The following ATP23 variants were observed in gnomAD, a reference collection of about 807,000 sequenced individuals.
ATP23 encodes the protein ATP23 metallopeptidase and ATP synthase assembly factor homolog, also known as mitochondrial inner membrane protease ATP23 homolog.
In ATP23, 24 loss-of-function variants were observed where a neutral mutation model predicts 28.5. The observed-to-expected ratio is 0.84, with a 90% CI of 0.61 to 1.18. The LOEUF (loss-of-function observed/expected upper bound fraction) is 1.18, where lower values mean the gene tolerates loss of function less well. Among genes scored for constraint, ATP23 ranks in the 50% most tolerant of loss-of-function variants. The pLI, the probability that ATP23 is intolerant of heterozygous loss-of-function variation, is 0.00. For missense variants in ATP23, 274 were observed against 306.4 expected, an observed-to-expected ratio of 0.89 and a Z score of 0.79; for synonymous variants, 99 against 108.6, an observed-to-expected ratio of 0.91 and a Z score of 0.55.
At chr12:57,941,922 A>G in intron 1 of ATP23, 34 bp downstream of exon 1, 1 of 1,608,130 alleles carries the variant, frequency 6.2e-7, no homozygotes, top group Non-Finnish European at 8.5e-7. Flanking sequence ...GTGGTTCCAC[A>G]GAATGGGTCT....
At position 57,956,982 on chromosome 12, in the gene ATP23, A is replaced by G. The variant is rs1956875229; in HGVS notation, c.*92A>G. 5.0e-6 allele frequency: 5 copies of G among 1,003,726 alleles called. No individual in the cohort carries two copies. The highest frequency in any genetic ancestry group is 3.3e-4 in the Middle Eastern group (1 of 3,008). The allele number at this position is 1,003,726 out of a possible 1,614,324, so 62.2% of individuals were successfully genotyped here. A position where few individuals can be genotyped will look rare whatever the true frequency, so the allele number is the denominator to read the frequency against. ...TGAACAAACATATAAAATGTAAACA[A>G]TCCCTACAATCCAGATAAAACAGAG... On this transcript the variant is annotated 3_prime_UTR_variant, in exon 6 of 6. Coordinates refer to ENST00000300145, the MANE Select transcript of ATP23 (RefSeq NM_033276.4).
chr12:57,945,223 C>T (rs1381731769), intron 1 of ATP23, among the ~76,000 whole-genome samples: 1 of 151,226 alleles, frequency 6.6e-6, no homozygotes, highest in Non-Finnish European at 1.5e-5. Flanking sequence ...TCAATTTTTA[C>T]CAATTTTAAG....
At chr12:57,945,461 G>T (rs1010767348) in intron 1 of ATP23, among the ~76,000 whole-genome samples, 167 bp from the exon 2 acceptor site, 5 of 151,946 alleles carry the variant, frequency 3.3e-5, no homozygotes, top group Non-Finnish European at 5.9e-5. Flanking sequence ...TGAACTCCTG[G>T]CCTCAAATGA....
chr12:57,941,919 C>G (rs1453112768), intron 1 of ATP23, 31 bp downstream of exon 1: 43 of 1,609,314 alleles, frequency 2.7e-5, no homozygotes, highest in Non-Finnish European at 3.6e-5. Flanking sequence ...GCTGTGGTTC[C>G]ACAGAATGGG....
chr12:57,951,769 C>T lies in ATP23; in HGVS notation c.327C>T (p.Cys109=). The change falls in exon 4 of 6, where the codon TGC becomes TGT. Residue 109 remains cysteine (C), a synonymous_variant. Coordinates refer to ENST00000300145, the MANE Select transcript of ATP23 (RefSeq NM_033276.4). ...TTGGTGTCTCCTAGATAGTTTTGTGCCAGAATAATATCCATAATCAGGCCC... is the reference window on the plus strand; with the variant it reads ...TTGGTGTCTCCTAGATAGTTTTGTGTCAGAATAATATCCATAATCAGGCCC... The part of the protein sequence containing the change: ...FDASTSQIVL[C]QNNIHNQAHM... 1 of 1,613,766 alleles carries T rather than the reference C, an allele frequency of 6.2e-7. No individual in the cohort carries two copies. The highest frequency in any genetic ancestry group is 8.5e-7 in the Non-Finnish European group (1 of 1,179,830).
intron 1 of ATP23, among the ~76,000 whole-genome samples, chr12:57,942,571 T>C (rs560103942): frequency 3.8e-4 from 58 of 152,106 alleles, no homozygotes; most frequent in African/African-American, 1.2e-3. Flanking sequence ...CTACAGGCGC[T>C]CGCCACCACA....
chr12:57,954,194 C>CAA lies in ATP23; in HGVS notation c.537+525_537+526dup, dbSNP rs11357155. On this transcript the variant is annotated intron_variant, in intron 5 of 5. Transcript: ENST00000300145. Reference sequence around the variant, plus strand: ...TGGGCCACAGAGTGAGACTCCATCTCAAAAAAAAAAAAAAAAAAAAAGGAG... The same window carrying CAA: ...TGGGCCACAGAGTGAGACTCCATCTCAAAAAAAAAAAAAAAAAAAAAAAGGAG... 2.8e-3 allele frequency among the ~76,000 whole-genome samples: 198 copies of CAA among 71,348 alleles called. 3 individuals carry two copies. Among genetic ancestry groups the CAA allele is most frequent in the African/African-American group, 6.8e-3 (124 of 18,122 alleles). 46.8% of individuals were successfully genotyped at this position (71,348 alleles called of 152,430 possible). A position where few individuals can be genotyped will look rare whatever the true frequency, so the allele number is the denominator to read the frequency against.
In ATP23 at chr12:57,941,609, G is replaced by C; in HGVS notation, c.-93G>C. The C allele has an allele frequency of 6.7e-7, 1 of 1,502,892 alleles. No homozygotes were observed. 93.1% of individuals were successfully genotyped at this position (1,502,892 alleles called of 1,614,324 possible). A position where few individuals can be genotyped will look rare whatever the true frequency, so the allele number is the denominator to read the frequency against. On this transcript the variant is annotated 5_prime_UTR_variant, in exon 1 of 6. Transcript: ENST00000300145. ...CTTCTTCCCTGCGGAGGGAGGGCCT[G>C]GGCGGTCGCGTTGGCGGGAGGGAGG...
rs573305887 is a variant in ATP23 at position 57,941,570 on chromosome 12, C to T, written c.-132C>T. ...CCCCCTCCCGCCTAACGTCTTCAGC[C>T]CAGCCAGGCTGCCCTTCTTCCCTGC... On this transcript the variant is annotated 5_prime_UTR_variant, in exon 1 of 6. Transcript: ENST00000300145. 7.8e-6 allele frequency: 10 copies of T among 1,279,028 alleles called. No homozygotes were observed. Among genetic ancestry groups the T allele is most frequent in the African/African-American group, 7.6e-5 (5 of 65,726 alleles). The allele number at this position is 1,279,028 out of a possible 1,614,324, so 79.2% of individuals were successfully genotyped here.
At position 57,941,569 on chromosome 12, in the gene ATP23, C is replaced by A; in HGVS notation, c.-133C>A. On this transcript the variant is annotated 5_prime_UTR_variant, in exon 1 of 6. Transcript: ENST00000300145. The stretch of plus-strand genomic sequence containing the variant: ...GCCCCCTCCCGCCTAACGTCTTCAG[C>A]CCAGCCAGGCTGCCCTTCTTCCCTG... The A allele has an allele frequency of 7.9e-7, 1 of 1,270,994 alleles. No homozygotes were observed. The highest frequency in any genetic ancestry group is 1.0e-6 in the Non-Finnish European group (1 of 954,264). The allele number at this position is 1,270,994 out of a possible 1,614,324, so 78.7% of individuals were successfully genotyped here. A position where few individuals can be genotyped will look rare whatever the true frequency, so the allele number is the denominator to read the frequency against.
rs764690680 is a variant in ATP23, at chr12:57,956,917, G to A, written c.*27G>A. 6.4e-7 allele frequency: 1 copy of A among 1,550,528 alleles called. No individual in the cohort carries two copies. Among genetic ancestry groups the A allele is most frequent in the African/African-American group, 1.4e-5 (1 of 71,628 alleles). On this transcript the variant is annotated 3_prime_UTR_variant, in exon 6 of 6. Transcript: ENST00000300145. ...CACAATGACATTTTTATATTACAGA[G>A]CTTCCATCATCATGAAGAAAAAAAA...
At position 57,941,570 on chromosome 12, in the gene ATP23, C is replaced by G. The variant is rs573305887; in HGVS notation, c.-132C>G. On this transcript the variant is annotated 5_prime_UTR_variant, in exon 1 of 6. Transcript: ENST00000300145. ...CCCCCTCCCGCCTAACGTCTTCAGC[C>G]CAGCCAGGCTGCCCTTCTTCCCTGC... The G allele has an allele frequency of 7.8e-7, 1 of 1,279,028 alleles. No individual in the cohort carries two copies. The highest frequency in any genetic ancestry group is 1.0e-6 in the Non-Finnish European group (1 of 961,104). The allele number at this position is 1,279,028 out of a possible 1,614,324, so 79.2% of individuals were successfully genotyped here.
At chr12:57,944,497 C>T (rs1287865891) in intron 1 of ATP23, among the ~76,000 whole-genome samples, 1 of 152,188 alleles carries the variant, frequency 6.6e-6, no homozygotes, top group African/African-American at 2.4e-5. Flanking sequence ...CCTCAGGAAT[C>T]GTCTAGGCCT....
Position 57,941,814 on chromosome 12 carries a change from A to C in ATP23, c.113A>C (p.Gln38Pro), listed in dbSNP as rs1956706147. The C allele has an allele frequency of 6.2e-7, 1 of 1,612,582 alleles. No homozygotes were observed. The highest frequency in any genetic ancestry group is 1.3e-5 in the African/African-American group (1 of 74,852). ...GAGCGTCTGGCCCAGGGGAATCCCCAGCAAGGGTTCTTCTCCAGCTTCTTC... is the reference window on the plus strand; with the variant it reads ...GAGCGTCTGGCCCAGGGGAATCCCCCGCAAGGGTTCTTCTCCAGCTTCTTC... ...FPERLAQGNP[Q>P]QGFFSSFFTS... The change falls in exon 1 of 6, where the codon CAG becomes CCG. Residue 38 changes from glutamine to proline, a missense_variant. Physicochemically the swap from Gln to Pro is moderately conservative, Grantham distance 76. Transcript: ENST00000300145.
chr12:57,951,682 C>A, intron 3 of ATP23, 76 bp from the exon 4 acceptor site: 1 of 1,537,974 alleles, frequency 6.5e-7, no homozygotes. Flanking sequence ...GAGGTGAGGT[C>A]ATGTGGGAGA....
intron 1 of ATP23, among the ~76,000 whole-genome samples, chr12:57,945,145 G>A (rs2140528274): frequency 6.6e-6 from 1 of 152,338 alleles, no homozygotes; most frequent in Non-Finnish European, 1.5e-5. Context: ...TACCATCTTG[G>A]TATTTGTATT....
intron 2 of ATP23, 36 bp from the exon 3 acceptor site, chr12:57,946,958 CT>C: frequency 6.2e-7 from 1 of 1,604,456 alleles, no homozygotes; most frequent in Non-Finnish European, 8.5e-7. Flanking sequence ...CACATACACA[CT>C]GTTTCTGGAC....
chr12:57,945,057 C>T (rs115369644), intron 1 of ATP23, among the ~76,000 whole-genome samples: 2,672 of 152,162 alleles, frequency 0.018, 60 homozygotes, highest in African/African-American at 0.06. Flanking sequence ...TGGTATATAC[C>T]GTAATACAAC....
chr12:57,948,981 CTTG>C (rs764843153), intron 3 of ATP23, among the ~76,000 whole-genome samples: 18 of 152,244 alleles, frequency 1.2e-4, no homozygotes, highest in African/African-American at 4.1e-4. Context: ...GAGATTCTTT[CTTG>C]TTGTTGTGTG....
Sources: gnomAD v4.1 joint callset for allele counts (sites outside exome capture counted in the v4.1 genomes callset) on GRCh38, gnomAD v4.1.1 for gene constraint, MANE v1.5 for transcripts, NCBI Gene and HGNC (gene_info 2026-07-23, HGNC 2026-07-21) for gene names.